PCDHGA10: variants seen among roughly 807,000 people sequenced by gnomAD.
PCDHGA10 encodes the protein protocadherin gamma subfamily A, 10.
In PCDHGA10, 42 loss-of-function variants were observed where a neutral mutation model predicts 59.5. The ratio of observed to expected loss-of-function variants is 0.71; its 90% CI spans 0.55 to 0.91. The LOEUF is 0.91. Ranked by LOEUF, PCDHGA10 falls within the 40% of genes least tolerant of loss-of-function variation. The pLI is 0.00. For missense variants in PCDHGA10, 1,111 were observed against 1,198.2 expected, an observed-to-expected ratio of 0.93 and a Z score of 1.07; for synonymous variants, 511 against 517.2, an observed-to-expected ratio of 0.99 and a Z score of 0.16.
intron 1 of PCDHGA10, among the ~76,000 whole-genome samples, chr5:141,459,971 A>G (rs1458539493): frequency 2.6e-5 from 4 of 152,208 alleles, no homozygotes; most frequent in Non-Finnish European, 5.9e-5. Flanking sequence ...CCAGCTACTC[A>G]GGAGGCTGAG....
chr5:141,485,663 A>G lies in PCDHGA10; in HGVS notation c.2437-9144A>G, dbSNP rs1594506698. ...AAAGGCTCAGGATGCAGATGTGGGG[A>G]GCAATTCGATTAGCAGCTATAGGCT... On this transcript the variant is annotated intron_variant, in intron 1 of 3. Transcript: ENST00000398610. The surrounding 1 kb of genome is among the most constrained non-coding windows in gnomAD (Gnocchi z 5.7). The G allele has an allele frequency of 1.2e-6, 2 of 1,612,638 alleles. No homozygotes were observed. Among genetic ancestry groups the G allele is most frequent in the East Asian group, 4.5e-5 (2 of 44,840 alleles).
intron 3 of PCDHGA10, among the ~76,000 whole-genome samples, chr5:141,509,781 T>TCATC (rs1198131164): frequency 6.6e-6 from 1 of 152,116 alleles, no homozygotes; most frequent in Non-Finnish European, 1.5e-5. Flanking sequence ...GTCCCCGAGA[T>TCATC]CATCATCTCC....
rs146372628 is a variant in PCDHGA10, at chr5:141,476,246, G to A, written c.2437-18561G>A. On this transcript the variant is annotated intron_variant, in intron 1 of 3. Coordinates refer to ENST00000398610, the MANE Select transcript of PCDHGA10 (RefSeq NM_018913.3). The surrounding 1 kb of genome is among the most constrained non-coding windows in gnomAD (Gnocchi z 7.6). ...TGAGATCCCGGAGGAAAGAGAGAAG[G>A]GTTTCGCTGTGGGCAACGTGGTCGC... 1.0e-3 allele frequency: 1,689 copies of A among 1,613,996 alleles called. 1 individual carries two copies. Among genetic ancestry groups the A allele is most frequent in the Non-Finnish European group, 1.3e-3 (1,557 of 1,180,008 alleles).
rs2099883798 is a variant in PCDHGA10, at chr5:141,511,451, AT to A, written c.*281del. On this transcript the variant is annotated 3_prime_UTR_variant, in exon 4 of 4. Transcript: ENST00000398610. ...GGGGTTACTGTAGACACCAAGAACC[AT>A]TTGCCACACCCCGTTTAGTTACAGC... The A allele has an allele frequency of 3.3e-6, 2 of 606,372 alleles. No individual in the cohort carries two copies. Among genetic ancestry groups the A allele is most frequent in the African/African-American group, 1.9e-5 (1 of 53,734 alleles). 37.6% of individuals were successfully genotyped at this position (606,372 alleles called of 1,614,324 possible).
rs376404716 is a variant in PCDHGA10 at position 141,414,414 on chromosome 5, C to T, written c.1239C>T (p.Ala413=). ...DSYYRLVIHR[A]LDREQVSSYN... ...ATTACAGATTGGTGATACACAGAGCCCTTGACAGGGAACAGGTATCCTCTT... is the reference window on the plus strand; with the variant it reads ...ATTACAGATTGGTGATACACAGAGCTCTTGACAGGGAACAGGTATCCTCTT... Residue 413 remains alanine (A), a synonymous_variant, in exon 1 of 4, where the codon GCC becomes GCT. Coordinates refer to ENST00000398610, the MANE Select transcript of PCDHGA10 (RefSeq NM_018913.3). The T allele has an allele frequency of 2.5e-6, 4 of 1,613,830 alleles. No individual in the cohort carries two copies. The highest frequency in any genetic ancestry group is 1.1e-5 in the South Asian group (1 of 91,084).
In PCDHGA10 at chr5:141,448,771, T is replaced by C. The variant is rs564309379; in HGVS notation, c.2436+33160T>C. Among the ~76,000 whole-genome samples the C allele has an allele frequency of 6.6e-4, 100 of 151,738 alleles. 1 individual carries two copies. The highest frequency in any genetic ancestry group is 6.8e-3 in the Middle Eastern group (2 of 294). On this transcript the variant is annotated intron_variant, in intron 1 of 3. Coordinates refer to ENST00000398610, the MANE Select transcript of PCDHGA10 (RefSeq NM_018913.3). ...CTGGCTAACACGGTGAAACCCCGTCTGTACTAAAAATACAAAAAAAAAAAT... is the reference window on the plus strand; with the variant it reads ...CTGGCTAACACGGTGAAACCCCGTCCGTACTAAAAATACAAAAAAAAAAAT...
chr5:141,494,643 AG>A, intron 1 of PCDHGA10, 163 bp from the exon 2 acceptor site: 1 of 928,048 alleles, frequency 1.1e-6, no homozygotes, highest in Non-Finnish European at 1.3e-6. Flanking sequence ...CTGAGACCTG[AG>A]GTGTATTTTG....
chr5:141,485,821 T>C lies in PCDHGA10; in HGVS notation c.2437-8986T>C, dbSNP rs765768266. 4 of 1,614,134 alleles carry C rather than the reference T, an allele frequency of 2.5e-6. No homozygotes were observed. Among genetic ancestry groups the C allele is most frequent in the Admixed American group, 1.7e-5 (1 of 60,014 alleles). ...ACCGCCTGGTGCTGACTGCTGTCGATGGAGGGAACCCGCCGAGATCTGGCA... is the reference window on the plus strand; with the variant it reads ...ACCGCCTGGTGCTGACTGCTGTCGACGGAGGGAACCCGCCGAGATCTGGCA... On this transcript the variant is annotated intron_variant, in intron 1 of 3. Coordinates refer to ENST00000398610, the MANE Select transcript of PCDHGA10 (RefSeq NM_018913.3). This position sits in a 1 kb window ranked among gnomAD's most constrained non-coding sequence, Gnocchi z 5.7.
chr5:141,473,017 A>AGAAG (rs1484773075), intron 1 of PCDHGA10, among the ~76,000 whole-genome samples: 3 of 151,764 alleles, frequency 2.0e-5, no homozygotes, highest in African/African-American at 4.8e-5. Flanking sequence ...AGAAAAAGAA[A>AGAAG]GAAGGAAGGA....
Position 141,511,380 on chromosome 5 carries a change from C to T in PCDHGA10, c.*207C>T, listed in dbSNP as rs896762148. 1.5e-5 allele frequency: 18 copies of T among 1,170,372 alleles called. No homozygotes were observed. The highest frequency in any genetic ancestry group is 3.0e-4 in the Middle Eastern group (1 of 3,384). 72.5% of individuals were successfully genotyped at this position (1,170,372 alleles called of 1,614,324 possible). ...GGGGTTGAATATGCAAAAGCAGTTC[C>T]GCTGGGAACCCCCATCCAATCAACT... is the stretch of plus-strand genomic sequence containing the variant. On this transcript the variant is annotated 3_prime_UTR_variant, in exon 4 of 4. Coordinates refer to ENST00000398610, the MANE Select transcript of PCDHGA10 (RefSeq NM_018913.3).
chr5:141,489,225 A>G lies in PCDHGA10; in HGVS notation c.2437-5582A>G. 3 of 1,518,230 alleles carry G rather than the reference A, an allele frequency of 2.0e-6. No individual in the cohort carries two copies. Among genetic ancestry groups the G allele is most frequent in the East Asian group, 2.3e-5 (1 of 44,234 alleles). 94.0% of individuals were successfully genotyped at this position (1,518,230 alleles called of 1,614,324 possible). On this transcript the variant is annotated intron_variant, in intron 1 of 3. Coordinates refer to ENST00000398610, the MANE Select transcript of PCDHGA10 (RefSeq NM_018913.3). The surrounding 1 kb of genome is among the most constrained non-coding windows in gnomAD (Gnocchi z 4.5). ...GGACAGCACAGACTTACTCTCCACA[A>G]AGGGACTTCTGGGTCATGGGGCCCA...
chr5:141,464,093 C>T (rs1029458289), intron 1 of PCDHGA10, among the ~76,000 whole-genome samples: 1 of 151,888 alleles, frequency 6.6e-6, no homozygotes, highest in Non-Finnish European at 1.5e-5. Context: ...GGTGAAACTC[C>T]GTCTCTACTA....
intron 1 of PCDHGA10, among the ~76,000 whole-genome samples, chr5:141,484,030 T>G (rs1290301073): frequency 6.6e-6 from 1 of 151,022 alleles, no homozygotes; most frequent in African/African-American, 2.4e-5. Flanking sequence ...TGAGATCAAG[T>G]CTCCAGCTCC....
chr5:141,457,264 C>T (rs2098915249), intron 1 of PCDHGA10, among the ~76,000 whole-genome samples: 1 of 152,142 alleles, frequency 6.6e-6, no homozygotes, highest in South Asian at 2.1e-4. Flanking sequence ...ATAGAATTCC[C>T]CTCTGTGGGC....
At position 141,432,995 on chromosome 5, in the gene PCDHGA10, G is replaced by A. The variant is rs576866505; in HGVS notation, c.2436+17384G>A. On this transcript the variant is annotated intron_variant, in intron 1 of 3. Transcript: ENST00000398610. This position sits in a 1 kb window ranked among gnomAD's most constrained non-coding sequence, Gnocchi z 6.0. ...GTCGCACTTTGTGGGCGTGGACGGGGTGCAGGCTTTCCTGCAGACCTATTC... is the reference window on the plus strand; with the variant it reads ...GTCGCACTTTGTGGGCGTGGACGGGATGCAGGCTTTCCTGCAGACCTATTC... The A allele has an allele frequency of 1.2e-6, 2 of 1,614,226 alleles. No individual in the cohort carries two copies. The highest frequency in any genetic ancestry group is 3.3e-5 in the Admixed American group (2 of 60,028).
At chr5:141,423,750 T>TGGGG (rs144521096) in intron 1 of PCDHGA10, 28 of 288,222 alleles carry the variant, frequency 9.7e-5, no homozygotes, top group Non-Finnish European at 1.2e-4. Flanking sequence ...GAAAACTGTT[T>TGGGG]GGGGGGGGGG....
In PCDHGA10 at chr5:141,489,523, C is replaced by CT. The variant is rs1379784656; in HGVS notation, c.2437-5283dup. On this transcript the variant is annotated intron_variant, in intron 1 of 3. Coordinates refer to ENST00000398610, the MANE Select transcript of PCDHGA10 (RefSeq NM_018913.3). The surrounding 1 kb of genome is among the most constrained non-coding windows in gnomAD (Gnocchi z 4.5). ...GAATCAAAAGATTGACCGAGAAAGC[C>CT]TATGTGGAGCCAGCACCAGCTGCCT... 1 of 1,614,006 alleles carries CT rather than the reference C, an allele frequency of 6.2e-7. No homozygotes were observed. Among genetic ancestry groups the CT allele is most frequent in the Non-Finnish European group, 8.5e-7 (1 of 1,180,044 alleles).
intron 1 of PCDHGA10, chr5:141,422,162 A>T: frequency 6.4e-7 from 1 of 1,571,230 alleles, no homozygotes; most frequent in Non-Finnish European, 8.6e-7. Context: ...GATTTTGAAA[A>T]ATATAGATTC....
At position 141,419,598 on chromosome 5, in the gene PCDHGA10, G is replaced by A. The variant is rs1466867194; in HGVS notation, c.2436+3987G>A. On this transcript the variant is annotated intron_variant, in intron 1 of 3. Transcript: ENST00000398610. ...TCCGCGCTCTTCGACACAGTGCCGC[G>A]GGCCGCGCAGCCAGGCTACCTGGTG... 21 of 1,611,674 alleles carry A rather than the reference G, an allele frequency of 1.3e-5. No individual in the cohort carries two copies. In the South Asian group the frequency reaches 1.3e-4, roughly 10 times the overall value.
Sources: allele counts gnomAD v4.1 joint callset (sites outside exome capture counted in the v4.1 genomes callset), GRCh38; gene constraint gnomAD v4.1.1; non-coding constraint Gnocchi (gnomAD v3.1); transcripts MANE v1.5; gene names NCBI Gene and HGNC (gene_info 2026-07-23, HGNC 2026-07-21).